Variants in RBMS1 observed in about 807,000 individuals in gnomAD.
RBMS1 encodes RNA binding motif single stranded interacting protein 1, also known as RNA-binding motif, single-stranded-interacting protein 1.
Under a neutral mutation model 62.3 loss-of-function variants are expected in RBMS1, and 17 were observed. That is an observed-to-expected ratio of 0.27 (90% CI 0.19 to 0.41). The LOEUF (loss-of-function observed/expected upper bound fraction) is 0.41, where lower values mean the gene tolerates loss of function less well. Ranked by LOEUF, RBMS1 falls within the 10% of genes least tolerant of loss-of-function variation. The probability of loss-of-function intolerance (pLI) is 1.00; values close to 1 mark genes in which losing one functional copy is unlikely to be tolerated. For missense variants in RBMS1, 334 were observed against 504.5 expected, an observed-to-expected ratio of 0.66 and a Z score of 3.24; for synonymous variants, 172 against 170.0, an observed-to-expected ratio of 1.01 and a Z score of -0.09.
chr2:160,299,318 T>A (rs1420642249), intron 6 of RBMS1, among the ~76,000 whole-genome samples: 2 of 152,228 alleles, frequency 1.3e-5, no homozygotes, highest in African/African-American at 4.8e-5. Flanking sequence ...GCTATCTTCT[T>A]GAATATTTTT....
chr2:160,324,905 T>TATATATATATATATATAC (rs1553508414), intron 2 of RBMS1, among the ~76,000 whole-genome samples: 5 of 118,692 alleles, frequency 4.2e-5, no homozygotes, highest in Non-Finnish European at 8.4e-5. Context: ...TATATATATA[T>TATATATATATATATATAC]ATACACACAC....
At chr2:160,487,105 G>A (rs145581101) in intron 1 of RBMS1, among the ~76,000 whole-genome samples, 11 of 152,160 alleles carry the variant, frequency 7.2e-5, no homozygotes, top group South Asian at 6.2e-4. Context: ...AAAATTATTC[G>A]TTTAAAATTC....
chr2:160,303,452 A>C lies in RBMS1; in HGVS notation c.438T>G (p.Ser146=), dbSNP rs747505644. 35 of 1,612,888 alleles carry C rather than the reference A, an allele frequency of 2.2e-5. No individual in the cohort carries two copies. In the East Asian group the frequency reaches 7.4e-4, roughly 34 times the overall value. ...GCTCATCCATGGAGAGTGGCAAATT[A>C]GAAATGTAGAGGTTGGTAGGATCTT... ...QEQDPTNLYI[S]NLPLSMDEQE... The change falls in exon 5 of 14, where the codon TCT becomes TCG. Residue 146 remains serine, a synonymous_variant. Coordinates refer to ENST00000348849, the MANE Select transcript of RBMS1 (RefSeq NM_016836.4).
intron 1 of RBMS1, among the ~76,000 whole-genome samples, chr2:160,387,760 T>C (rs1694661561): frequency 6.6e-6 from 1 of 151,872 alleles, no homozygotes. Flanking sequence ...CACCCCATAA[T>C]GTGCAAATGC....
intron 1 of RBMS1, among the ~76,000 whole-genome samples, chr2:160,488,236 G>A (rs1685676473): frequency 6.6e-6 from 1 of 152,148 alleles, no homozygotes; most frequent in Admixed American, 6.5e-5. Context: ...TGCCTCTCAT[G>A]AGGCACAGCT....
At chr2:160,320,227 G>T (rs968122986) in intron 2 of RBMS1, among the ~76,000 whole-genome samples, 6 of 152,306 alleles carry the variant, frequency 3.9e-5, no homozygotes, top group African/African-American at 1.4e-4. Context: ...CAGCACTTTG[G>T]AAGGCCAAAG....
intron 1 of RBMS1, among the ~76,000 whole-genome samples, chr2:160,376,395 T>A (rs888591001): frequency 1.3e-5 from 2 of 152,158 alleles, no homozygotes; most frequent in Non-Finnish European, 2.9e-5. Flanking sequence ...AATCTCCCCA[T>A]AATAATAACT....
chr2:160,423,877 T>TTCTA (rs1284133235), intron 1 of RBMS1, among the ~76,000 whole-genome samples: 1 of 152,118 alleles, frequency 6.6e-6, no homozygotes, highest in Middle Eastern at 3.2e-3. Flanking sequence ...TGTACTTTGG[T>TTCTA]TCTATCTATC....
At chr2:160,359,838 A>C (rs1693025671) in intron 2 of RBMS1, among the ~76,000 whole-genome samples, 1 of 152,222 alleles carries the variant, frequency 6.6e-6, no homozygotes, top group Non-Finnish European at 1.5e-5. Context: ...GGATTGCTTA[A>C]GAAATCTTAG....
At chr2:160,384,543 T>C (rs1358879142) in intron 1 of RBMS1, among the ~76,000 whole-genome samples, 1 of 152,168 alleles carries the variant, frequency 6.6e-6, no homozygotes. Flanking sequence ...GTACAGCAAT[T>C]AGGAATGAAA....
intron 4 of RBMS1, among the ~76,000 whole-genome samples, chr2:160,310,991 C>T (rs1285423139): frequency 6.6e-6 from 1 of 151,768 alleles, no homozygotes; most frequent in Non-Finnish European, 1.5e-5. Context: ...ATCAGGAGTT[C>T]AAGACCAGCC....
chr2:160,491,366 C>T (rs1685820857), intron 1 of RBMS1, among the ~76,000 whole-genome samples: 1 of 152,164 alleles, frequency 6.6e-6, no homozygotes, highest in Non-Finnish European at 1.5e-5. Context: ...TTGAGAATGT[C>T]ATTTACCGCA....
intron 2 of RBMS1, among the ~76,000 whole-genome samples, chr2:160,353,707 G>A (rs140491308): frequency 1.3e-5 from 2 of 152,144 alleles, no homozygotes; most frequent in East Asian, 1.9e-4. Context: ...TCCCAAGCCT[G>A]CCCCTTCCTA....
At chr2:160,379,773 TA>T (rs1301141672) in intron 1 of RBMS1, among the ~76,000 whole-genome samples, 1 of 152,234 alleles carries the variant, frequency 6.6e-6, no homozygotes, top group Non-Finnish European at 1.5e-5. Context: ...AAGCTAATCA[TA>T]AAGCATCATT....
intron 6 of RBMS1, among the ~76,000 whole-genome samples, chr2:160,293,679 G>T (rs1297802845): frequency 6.6e-6 from 1 of 152,308 alleles, no homozygotes; most frequent in Non-Finnish European, 1.5e-5. Flanking sequence ...AGAGGTGGTG[G>T]TGGTGGCGAG....
intron 1 of RBMS1, among the ~76,000 whole-genome samples, chr2:160,399,352 T>C (rs115106058): frequency 0.01 from 1,557 of 152,282 alleles, 13 homozygotes; most frequent in Non-Finnish European, 0.015. Context: ...TCAGTATCTA[T>C]AAAATTTGGT....
chr2:160,469,006 C>G (rs1473024910), intron 1 of RBMS1, among the ~76,000 whole-genome samples: 1 of 152,168 alleles, frequency 6.6e-6, no homozygotes, highest in Non-Finnish European at 1.5e-5. Flanking sequence ...GGGAAATGTT[C>G]TGTTACCATC....
rs1023245325 is a variant in RBMS1, at chr2:160,362,708, G to A, written c.251+4508C>T. ...AAAATGTGACGCAGAGACATAAAGTGAGCATATGCTATTGGAAAAATGCCA... is the reference window on the plus strand; with the variant it reads ...AAAATGTGACGCAGAGACATAAAGTAAGCATATGCTATTGGAAAAATGCCA... On this transcript the variant is annotated intron_variant, in intron 2 of 13. Coordinates refer to ENST00000348849, the MANE Select transcript of RBMS1 (RefSeq NM_016836.4). Among the ~76,000 whole-genome samples, 14 of 152,282 alleles carry A rather than the reference G, an allele frequency of 9.2e-5. No individual in the cohort carries two copies. The South Asian group carries it at 1.5e-3, about 16-fold the overall frequency.
rs1685159670 is a variant in RBMS1 at position 160,476,839 on chromosome 2, C to T, written c.75+16450G>A. ...AAAGTGCTGGGATTACAGGCGTGAGCCACCGCGCCCGGCCCAAAACACACT... is the reference window on the plus strand; with the variant it reads ...AAAGTGCTGGGATTACAGGCGTGAGTCACCGCGCCCGGCCCAAAACACACT... On this transcript the variant is annotated intron_variant, in intron 1 of 13. Transcript: ENST00000348849. Among the ~76,000 whole-genome samples the T allele has an allele frequency of 3.9e-5, 6 of 152,214 alleles. No homozygotes were observed. In the South Asian group the frequency reaches 1.2e-3, roughly 32 times the overall value.
Sources: allele counts gnomAD v4.1 joint callset (sites outside exome capture counted in the v4.1 genomes callset), GRCh38; gene constraint gnomAD v4.1.1; transcripts MANE v1.5; gene names NCBI Gene and HGNC (gene_info 2026-07-23, HGNC 2026-07-21).